MDFIC2: variants seen among roughly 807,000 people sequenced by gnomAD.
MDFIC2 encodes myoD family inhibitor domain-containing protein 2.
chr3:70,289,677 C>T (rs1418209225), intron 2 of MDFIC2, among the ~76,000 whole-genome samples: 1 of 152,004 alleles, frequency 6.6e-6, no homozygotes, highest in Non-Finnish European at 1.5e-5. Context: ...TTCCATTCTC[C>T]CCATCACTTT....
At chr3:70,198,031 G>A (rs146852817) in intron 3 of MDFIC2, among the ~76,000 whole-genome samples, 19 of 152,302 alleles carry the variant, frequency 1.2e-4, no homozygotes, top group African/African-American at 4.6e-4. Context: ...GTTAGAAGAT[G>A]TAGCAGTTCT....
intron 2 of MDFIC2, among the ~76,000 whole-genome samples, chr3:70,293,142 A>T (rs1466237176): frequency 6.6e-6 from 1 of 150,680 alleles, no homozygotes; most frequent in African/African-American, 2.4e-5. Context: ...CCAGCTTTTT[A>T]CATTTCTGGA....
intron 2 of MDFIC2, among the ~76,000 whole-genome samples, chr3:70,245,104 G>A (rs1395388157): frequency 6.6e-6 from 1 of 152,066 alleles, no homozygotes; most frequent in Non-Finnish European, 1.5e-5. Flanking sequence ...AGAAACCTAA[G>A]CTCATTTCCT....
chr3:70,297,711 A>T (rs1702303397), intron 2 of MDFIC2, among the ~76,000 whole-genome samples: 2 of 151,852 alleles, frequency 1.3e-5, no homozygotes, highest in Non-Finnish European at 1.5e-5. Context: ...GTTTATTATT[A>T]TTTTTTTCCT....
intron 3 of MDFIC2, among the ~76,000 whole-genome samples, chr3:70,200,716 C>T (rs1392089990): frequency 6.6e-6 from 1 of 152,196 alleles, no homozygotes; most frequent in Non-Finnish European, 1.5e-5. Context: ...CCATATCTCT[C>T]TCTCTGGTTG....
chr3:70,210,372 G>T (rs1701331441), intron 2 of MDFIC2, among the ~76,000 whole-genome samples: 1 of 152,102 alleles, frequency 6.6e-6, no homozygotes, highest in Non-Finnish European at 1.5e-5. Context: ...ACTATCTGTT[G>T]CTCATTAGAA....
At chr3:70,216,633 A>G (rs1457463700) in intron 2 of MDFIC2, among the ~76,000 whole-genome samples, 1 of 152,140 alleles carries the variant, frequency 6.6e-6, no homozygotes, top group Non-Finnish European at 1.5e-5. Flanking sequence ...ATAATGTATT[A>G]TAGATGTTAC....
chr3:70,244,425 C>T (rs1226413829), intron 2 of MDFIC2, among the ~76,000 whole-genome samples: 1 of 152,116 alleles, frequency 6.6e-6, no homozygotes, highest in East Asian at 1.9e-4. Flanking sequence ...ACTGAAATAT[C>T]AATTAAAATA....
chr3:70,264,039 T>C (rs543969736), intron 2 of MDFIC2, among the ~76,000 whole-genome samples: 52 of 152,362 alleles, frequency 3.4e-4, no homozygotes, highest in African/African-American at 1.2e-3. Context: ...TATCATTATG[T>C]TATAAATTCT....
At chr3:70,215,596 A>C (rs1389554626) in intron 2 of MDFIC2, among the ~76,000 whole-genome samples, 1 of 152,014 alleles carries the variant, frequency 6.6e-6, no homozygotes, top group East Asian at 1.9e-4. Context: ...TTCCTTTGGG[A>C]GCCCCCAGAA....
chr3:70,214,529 AG>A (rs1247162097), intron 2 of MDFIC2, among the ~76,000 whole-genome samples: 1 of 151,980 alleles, frequency 6.6e-6, no homozygotes, highest in Non-Finnish European at 1.5e-5. Context: ...AACTGAGGGA[AG>A]AAGGCTGAGC....
At chr3:70,246,693 A>T (rs1475087847) in intron 2 of MDFIC2, among the ~76,000 whole-genome samples, 4 of 152,084 alleles carry the variant, frequency 2.6e-5, no homozygotes, top group Non-Finnish European at 5.9e-5. Context: ...ACTAAAAAAA[A>T]TTATGGGCAC....
chr3:70,224,450 C>A (rs1045799927), intron 2 of MDFIC2, among the ~76,000 whole-genome samples: 3 of 152,102 alleles, frequency 2.0e-5, no homozygotes, highest in African/African-American at 7.2e-5. Context: ...AAAGGTGGCC[C>A]TTTTTTAAAG....
intron 2 of MDFIC2, among the ~76,000 whole-genome samples, chr3:70,263,273 C>A (rs536527902): frequency 6.6e-6 from 1 of 151,712 alleles, no homozygotes; most frequent in Non-Finnish European, 1.5e-5. Context: ...TTTATGTTAT[C>A]GAGTGCTGGT....
intron 3 of MDFIC2, chr3:70,205,475 T>A (rs966745471): frequency 5.3e-5 from 8 of 152,122 alleles, no homozygotes; most frequent in Non-Finnish European, 2.9e-5. Context: ...CCTTACTTTC[T>A]AAAAATGTAA....
intron 2 of MDFIC2, among the ~76,000 whole-genome samples, chr3:70,301,631 C>T (rs923337790): frequency 5.3e-5 from 8 of 152,018 alleles, no homozygotes; most frequent in South Asian, 2.1e-4. Flanking sequence ...TATCAATCTG[C>T]GTTTGCACAT....
At chr3:70,254,731 G>A (rs1356901140) in intron 2 of MDFIC2, among the ~76,000 whole-genome samples, 5 of 152,030 alleles carry the variant, frequency 3.3e-5, no homozygotes, top group Non-Finnish European at 5.9e-5. Flanking sequence ...CTGTCATGAC[G>A]CACTCTACTC....
intron 2 of MDFIC2, among the ~76,000 whole-genome samples, chr3:70,253,758 A>G (rs1701790528): frequency 1.3e-5 from 2 of 152,164 alleles, no homozygotes; most frequent in Non-Finnish European, 2.9e-5. Context: ...AAAAGAAAAT[A>G]TTTTATCCAG....
At chr3:70,204,744 T>A (rs1701274332) in intron 3 of MDFIC2, 1 of 151,886 alleles carries the variant, frequency 6.6e-6, no homozygotes, top group Non-Finnish European at 1.5e-5. Flanking sequence ...AATACAAGAG[T>A]TAGGTGTCAT....
Sources: allele counts gnomAD v4.1 joint callset (sites outside exome capture counted in the v4.1 genomes callset), GRCh38; gene constraint gnomAD v4.1.1; transcripts MANE v1.5; gene names NCBI Gene and HGNC (gene_info 2026-07-23, HGNC 2026-07-21).